The following ATP1A1 variants were observed in gnomAD, a reference collection of about 807,000 sequenced individuals.
ATP1A1 encodes the protein ATPase Na+/K+ transporting subunit alpha 1, also known as sodium/potassium-transporting ATPase subunit alpha-1.
A neutral mutation model predicts 114.8 loss-of-function variants in ATP1A1; 14 were observed. That is an observed-to-expected ratio of 0.12 (90% CI 0.08 to 0.19). The LOEUF is 0.19. Ranked by LOEUF, ATP1A1 falls within the 10% of genes least tolerant of loss-of-function variation. ATP1A1 has a pLI of 1.00. For synonymous variants in ATP1A1, 471 were observed against 466.3 expected (o/e 1.01, Z -0.13); for missense variants, 524 against 1,290.7 (o/e 0.41, Z 9.10).
chr1:116,401,930 T>C lies in ATP1A1; in HGVS notation c.2951+275T>C, dbSNP rs184771088. 85 of 442,236 alleles carry C rather than the reference T, an allele frequency of 1.9e-4. No homozygotes were observed. Among genetic ancestry groups the C allele is most frequent in the African/African-American group, 1.6e-3 (80 of 49,736 alleles). The allele number at this position is 442,236 out of a possible 1,614,324, so 27.4% of individuals were successfully genotyped here. A position where few individuals can be genotyped will look rare whatever the true frequency, so the allele number is the denominator to read the frequency against. ...TGGAACTGCTCAACAGCGAACTGCA[T>C]TGAGCACTCAGGTCTGCCACAGCTG... On this transcript the variant is annotated intron_variant, in intron 21 of 22. Coordinates refer to ENST00000295598, the MANE Select transcript of ATP1A1 (RefSeq NM_000701.8). The surrounding 1 kb of genome is among the most constrained non-coding windows in gnomAD (Gnocchi z 4.7).
In ATP1A1 at chr1:116,385,122, A is replaced by G. The variant is rs6687469; in HGVS notation, c.183+280A>G. 2.2e-3 allele frequency: 873 copies of G among 404,094 alleles called. 11 individuals are homozygous for G. The highest frequency in any genetic ancestry group is 0.014 in the African/African-American group (657 of 47,150). 25.0% of individuals were successfully genotyped at this position (404,094 alleles called of 1,614,324 possible). ...AGGACTTGCAGTTGGCTTCAAAGCC[A>G]TGCTTATGCCTTGACCTTTTGATGA... On this transcript the variant is annotated intron_variant, in intron 3 of 22. Coordinates refer to ENST00000295598, the MANE Select transcript of ATP1A1 (RefSeq NM_000701.8). The surrounding 1 kb of genome is among the most constrained non-coding windows in gnomAD (Gnocchi z 4.3).
chr1:116,384,924 C>T lies in ATP1A1; in HGVS notation c.183+82C>T, dbSNP rs775769566. 2 of 1,328,190 alleles carry T rather than the reference C, an allele frequency of 1.5e-6. No homozygotes were observed. Among genetic ancestry groups the T allele is most frequent in the African/African-American group, 2.9e-5 (2 of 68,992 alleles). 82.3% of individuals were successfully genotyped at this position (1,328,190 alleles called of 1,614,324 possible). ...CCCCTGTATTACATACAGGTCTAAC[C>T]TCAGGGGCTCTAGTAAGAAAATGAC... On this transcript the variant is annotated intron_variant, in intron 3 of 22. Coordinates refer to ENST00000295598, the MANE Select transcript of ATP1A1 (RefSeq NM_000701.8). This position sits in a 1 kb window ranked among gnomAD's most constrained non-coding sequence, Gnocchi z 5.1.
In ATP1A1 at chr1:116,388,035, T is replaced by C. The variant is rs1053767267; in HGVS notation, c.388-96T>C. On this transcript the variant is annotated intron_variant, in intron 4 of 22. Coordinates refer to ENST00000295598, the MANE Select transcript of ATP1A1 (RefSeq NM_000701.8). This position sits in a 1 kb window ranked among gnomAD's most constrained non-coding sequence, Gnocchi z 5.6. ...TATATTTCTGAAATCTTGGTTTCTC[T>C]ATTAAAAATCTGTTTTTTATTCAGT... is the stretch of plus-strand genomic sequence containing the variant. The C allele has an allele frequency of 3.9e-6, 3 of 776,282 alleles. No individual in the cohort carries two copies. Among genetic ancestry groups the C allele is most frequent in the Middle Eastern group, 3.0e-4 (1 of 3,386 alleles). 48.1% of individuals were successfully genotyped at this position (776,282 alleles called of 1,614,324 possible). A position where few individuals can be genotyped will look rare whatever the true frequency, so the allele number is the denominator to read the frequency against.
rs1375065531 is a variant in ATP1A1 at position 116,387,317 on chromosome 1, C to A, written c.213C>A (p.Ile71=). The A allele has an allele frequency of 6.2e-7, 1 of 1,614,166 alleles. No individual in the cohort carries two copies. Among genetic ancestry groups the A allele is most frequent in the South Asian group, 1.1e-5 (1 of 91,078 alleles). ...RGLTSARAAE[I]LARDGPNALT... The stretch of plus-strand genomic sequence containing the variant: ...TAACATCTGCTCGTGCAGCTGAGAT[C>A]CTGGCGCGAGATGGTCCCAACGCCC... Residue 71 remains isoleucine (I), a synonymous_variant, in exon 4 of 23, where the codon ATC becomes ATA. Transcript: ENST00000295598. This position sits in a 1 kb window ranked among gnomAD's most constrained non-coding sequence, Gnocchi z 6.7.
chr1:116,373,611 AGGC>A, intron 1 of ATP1A1, 88 bp downstream of exon 1: 1 of 1,254,188 alleles, frequency 8.0e-7, no homozygotes, highest in East Asian at 3.3e-5. Flanking sequence ...GGCCAGCGGG[AGGC>A]GGCGGAGGAG....
intron 1 of ATP1A1, among the ~76,000 whole-genome samples, chr1:116,382,230 A>T (rs1289757524): frequency 6.6e-6 from 1 of 152,186 alleles, no homozygotes; most frequent in Non-Finnish European, 1.5e-5. Flanking sequence ...ATCCTTAGTC[A>T]ATGTCTTTAA....
Position 116,396,684 on chromosome 1 carries a change from G to A in ATP1A1, c.1923G>A (p.Val641=). ...TCATCTCAGAAGGCAATGAGACCGTGGAAGACATTGCTGCCCGCCTCAACA... is the reference window on the plus strand; with the variant it reads ...TCATCTCAGAAGGCAATGAGACCGTAGAAGACATTGCTGCCCGCCTCAACA... ...VGIISEGNET[V]EDIAARLNIP... Residue 641 remains valine (V), a synonymous_variant, in exon 14 of 23, where the codon GTG becomes GTA. Transcript: ENST00000295598. 6.2e-7 allele frequency: 1 copy of A among 1,606,492 alleles called. No homozygotes were observed. Among genetic ancestry groups the A allele is most frequent in the Non-Finnish European group, 8.5e-7 (1 of 1,175,788 alleles).
intron 3 of ATP1A1, among the ~76,000 whole-genome samples, chr1:116,386,897 A>C (rs1170017644): frequency 6.6e-6 from 1 of 152,222 alleles, no homozygotes; most frequent in African/African-American, 2.4e-5. Flanking sequence ...CAAAATCAAT[A>C]CACAGAAAAC....
rs566961905 is a variant in ATP1A1, at chr1:116,399,581, A to G, written c.2572+38A>G. ...CTGGAGTGGGAAGCTGGCACATCTA[A>G]GGCATCTGAGGTGATGGTGTCCACC... On this transcript the variant is annotated intron_variant, in intron 18 of 22. Transcript: ENST00000295598. The surrounding 1 kb of genome is among the most constrained non-coding windows in gnomAD (Gnocchi z 5.0). 6.2e-7 allele frequency: 1 copy of G among 1,610,800 alleles called. No individual in the cohort carries two copies. Among genetic ancestry groups the G allele is most frequent in the Admixed American group, 1.7e-5 (1 of 59,496 alleles).
intron 1 of ATP1A1, chr1:116,373,968 C>G (rs1424558291): frequency 2.2e-6 from 3 of 1,375,524 alleles, no homozygotes; most frequent in Non-Finnish European, 2.8e-6. Context: ...CTCCGCCCTC[C>G]GTGCCCTGAG....
Position 116,393,623 on chromosome 1 carries a change from T to C in ATP1A1, c.1560T>C (p.Ser520=). ...AAAGGATCCTAGACCGTTGCAGCTC[T>C]ATCCTCCTCCACGGCAAGGAGCAGC... is the stretch of plus-strand genomic sequence containing the variant. ...APERILDRCS[S]ILLHGKEQPL... Residue 520 remains serine, a synonymous_variant, in exon 12 of 23, where the codon TCT becomes TCC. Coordinates refer to ENST00000295598, the MANE Select transcript of ATP1A1 (RefSeq NM_000701.8). This position sits in a 1 kb window ranked among gnomAD's most constrained non-coding sequence, Gnocchi z 5.0. 6.2e-7 allele frequency: 1 copy of C among 1,614,152 alleles called. No homozygotes were observed. The highest frequency in any genetic ancestry group is 1.1e-5 in the South Asian group (1 of 91,084).
Position 116,387,117 on chromosome 1 carries a change from C to T in ATP1A1, c.184-171C>T, listed in dbSNP as rs1275741255. ...TGCCTGAACCCTGTGGGGACTGGCT[C>T]ATCAGCAGAATTATTCATGGAGGAA... On this transcript the variant is annotated intron_variant, in intron 3 of 22. Transcript: ENST00000295598. The surrounding 1 kb of genome is among the most constrained non-coding windows in gnomAD (Gnocchi z 6.7). 5.9e-5 allele frequency among the ~76,000 whole-genome samples: 9 copies of T among 152,188 alleles called. No individual in the cohort carries two copies. Among genetic ancestry groups the T allele is most frequent in the Non-Finnish European group, 1.5e-5 (1 of 68,046 alleles).
chr1:116,389,629 C>T lies in ATP1A1; in HGVS notation c.945C>T (p.Tyr315=), dbSNP rs749730352. 6.2e-7 allele frequency: 1 copy of T among 1,614,214 alleles called. No individual in the cohort carries two copies. The highest frequency in any genetic ancestry group is 8.5e-7 in the Non-Finnish European group (1 of 1,180,046). The part of the protein sequence containing the change: ...SFFILSLILE[Y]TWLEAVIFLI... ...TCATCCTTTCTCTCATCCTTGAGTACACCTGGCTTGAGGCTGTCATCTTCC... is the reference window on the plus strand; with the variant it reads ...TCATCCTTTCTCTCATCCTTGAGTATACCTGGCTTGAGGCTGTCATCTTCC... The change falls in exon 8 of 23, where the codon TAC becomes TAT. Residue 315 remains tyrosine (Y), a synonymous_variant. Coordinates refer to ENST00000295598, the MANE Select transcript of ATP1A1 (RefSeq NM_000701.8). The surrounding 1 kb of genome is among the most constrained non-coding windows in gnomAD (Gnocchi z 6.9).
At position 116,401,239 on chromosome 1, in the gene ATP1A1, C is replaced by T; in HGVS notation, c.2828C>T (p.Ser943Leu). The change falls in exon 20 of 23, where the codon TCG becomes TTG. Residue 943 changes from serine (S) to leucine (L), a missense_variant. By Grantham distance (145) the Ser-to-Leu change is moderately radical. Around this residue, in one of 8 missense-constraint regions of ATP1A1, gnomAD observed 84 missense variants for 209.3 expected, o/e 0.40. Transcript: ENST00000295598. This position sits in a 1 kb window ranked among gnomAD's most constrained non-coding sequence, Gnocchi z 4.7. ...DLVICKTRRN[S>L]VFQQGMKNKI... ...GTCATCTGTAAGACCAGGAGGAATT[C>T]GGTCTTCCAGCAGGGGATGAAGTAA... 2 of 1,614,172 alleles carry T rather than the reference C, an allele frequency of 1.2e-6. No homozygotes were observed. The highest frequency in any genetic ancestry group is 2.2e-5 in the East Asian group (1 of 44,880).
Position 116,398,066 on chromosome 1 carries a change from T to C in ATP1A1, c.2124+28T>C. On this transcript the variant is annotated intron_variant, in intron 15 of 22. Coordinates refer to ENST00000295598, the MANE Select transcript of ATP1A1 (RefSeq NM_000701.8). The surrounding 1 kb of genome is among the most constrained non-coding windows in gnomAD (Gnocchi z 6.1). ...CAGCCAGCACAAGGATCAGGCTGCT[T>C]TGGGCACTATTGGCTTTAGGGATTG... 1 of 1,611,492 alleles carries C rather than the reference T, an allele frequency of 6.2e-7. No individual in the cohort carries two copies. The highest frequency in any genetic ancestry group is 8.5e-7 in the Non-Finnish European group (1 of 1,178,640).
chr1:116,392,764 G>T (rs1195471567), intron 10 of ATP1A1, 90 bp from the exon 11 acceptor site: 5 of 1,474,870 alleles, frequency 3.4e-6, no homozygotes, highest in Non-Finnish European at 4.6e-6. Context: ...GACAAGATTG[G>T]AATGTGTCTT....
chr1:116,390,536 GTT>G lies in ATP1A1; in HGVS notation c.1222+138_1222+139del, dbSNP rs79640523. On this transcript the variant is annotated intron_variant, in intron 9 of 22. Coordinates refer to ENST00000295598, the MANE Select transcript of ATP1A1 (RefSeq NM_000701.8). ...CATGGCAGCTTTTTCTTTCTTTTTT[GTT>G]TTTTTTTTTTTTATCATTTAGTGAA... 6,839 of 686,624 alleles carry G rather than the reference GTT, an allele frequency of 1.0e-2. 17 individuals are homozygous for G. The highest frequency in any genetic ancestry group is 0.024 in the African/African-American group (1,113 of 47,294). The allele number at this position is 686,624 out of a possible 1,614,324, so 42.5% of individuals were successfully genotyped here.
Position 116,384,729 on chromosome 1 carries a change from C to A in ATP1A1, c.124-54C>A. The A allele has an allele frequency of 2.1e-6, 3 of 1,463,302 alleles. No individual in the cohort carries two copies. Among genetic ancestry groups the A allele is most frequent in the South Asian group, 1.2e-5 (1 of 80,344 alleles). 90.6% of individuals were successfully genotyped at this position (1,463,302 alleles called of 1,614,324 possible). ...TAATGAATAATGCTATTTTTTCTGT[C>A]ATTTTTTTATACTACACTGTTTAAC... On this transcript the variant is annotated intron_variant, in intron 2 of 22. Coordinates refer to ENST00000295598, the MANE Select transcript of ATP1A1 (RefSeq NM_000701.8). This position sits in a 1 kb window ranked among gnomAD's most constrained non-coding sequence, Gnocchi z 5.1.
chr1:116,379,937 GTGT>G (rs1280677456), intron 1 of ATP1A1, among the ~76,000 whole-genome samples: 8 of 152,164 alleles, frequency 5.3e-5, no homozygotes, highest in Non-Finnish European at 1.0e-4. Context: ...ATGTCCAGAG[GTGT>G]TGTTTCTACA....
Sources: gnomAD v4.1 joint callset for allele counts (sites outside exome capture counted in the v4.1 genomes callset) on GRCh38, gnomAD v4.1.1 for gene constraint, gnomAD v4.1.1 regional missense constraint, Gnocchi (gnomAD v3.1) non-coding constraint, MANE v1.5 for transcripts, NCBI Gene and HGNC (gene_info 2026-07-23, HGNC 2026-07-21) for gene names.